Variants in SALL2 observed in about 807,000 individuals in gnomAD.
SALL2 encodes the protein spalt like transcription factor 2.
SALL2 carries 32 observed loss-of-function variants against 58.5 expected under a neutral mutation model. The ratio of observed to expected loss-of-function variants is 0.55; its 90% confidence interval spans 0.41 to 0.74. SALL2 has a LOEUF of 0.74. Among genes scored for constraint, SALL2 ranks in the 30% least tolerant of loss-of-function variants. The probability of loss-of-function intolerance (pLI) is 0.00; values close to 1 mark genes in which losing one functional copy is unlikely to be tolerated. For missense variants in SALL2, 1,201 were observed against 1,268.9 expected, an observed-to-expected ratio of 0.95 and a Z score of 0.81; for synonymous variants, 516 against 513.6, an observed-to-expected ratio of 1.00 and a Z score of -0.06.
Position 21,531,709 on chromosome 14 carries a change from C to CTTTT in SALL2, c.-114+5252_-114+5253insAAAA, listed in dbSNP as rs199554935. Among the ~76,000 whole-genome samples, 56 of 138,648 alleles carry CTTTT rather than the reference C, an allele frequency of 4.0e-4. 1 individual carries two copies. Among genetic ancestry groups the CTTTT allele is most frequent in the African/African-American group, 1.4e-3 (52 of 36,730 alleles). The allele number at this position is 138,648 out of a possible 152,430, so 91.0% of individuals were successfully genotyped here. ...GGCATGAGCCACCGCGCCTGGCCAG[C>CTTTT]CTTTTTTTTTTTTTTGAGACGGAGT... is the stretch of plus-strand genomic sequence containing the variant. On this transcript the variant is annotated intron_variant, in intron 1 of 1. Coordinates refer to the SALL2 transcript ENST00000541965.
chr14:21,529,582 C>A (rs567418801), upstream of SALL2, among the ~76,000 whole-genome samples: 1 of 151,114 alleles, frequency 6.6e-6, no homozygotes, highest in South Asian at 2.1e-4. Context: ...GAGGCTGAGG[C>A]GGGAGGATCA....
At position 21,525,578 on chromosome 14, in the gene SALL2, G is replaced by A. The variant is rs139218957; in HGVS notation, c.144C>T (p.Leu48=). ...CAGTAGAACATGCGTTCTGGTGGGCGAGGAATTCAGTTGGGTCAGTGAATT... is the reference window on the plus strand; with the variant it reads ...CAGTAGAACATGCGTTCTGGTGGGCAAGGAATTCAGTTGGGTCAGTGAATT... ...CAQFTDPTEF[L]AHQNACSTDP... Residue 48 remains leucine (L), a synonymous_variant, in exon 2 of 2, where the codon CTC becomes CTT. Coordinates refer to ENST00000537235, the MANE Select transcript of SALL2 (RefSeq NM_001364564.1). The surrounding 1 kb of genome is among the most constrained non-coding windows in gnomAD (Gnocchi z 4.4). 4.2e-4 allele frequency: 674 copies of A among 1,612,946 alleles called. No homozygotes were observed. Among genetic ancestry groups the A allele is most frequent in the Non-Finnish European group, 5.1e-4 (603 of 1,179,510 alleles).
At position 21,523,781 on chromosome 14, in the gene SALL2, A is replaced by G. The variant is rs1328938948; in HGVS notation, c.1941T>C (p.His647=). The G allele has an allele frequency of 6.2e-7, 1 of 1,614,060 alleles. No homozygotes were observed. The highest frequency in any genetic ancestry group is 1.3e-5 in the African/African-American group (1 of 74,916). The stretch of plus-strand genomic sequence containing the variant: ...GCCTCTCACCTCCATGTTGGCCATA[A>G]TGAAGGCGTAGGGCCCGAGGACAGC... ...VLSCPRALRL[H]YGQHGGERPF... Residue 647 remains histidine, a synonymous_variant, in exon 2 of 2, where the codon CAT becomes CAC. Coordinates refer to ENST00000537235, the MANE Select transcript of SALL2 (RefSeq NM_001364564.1). The surrounding 1 kb of genome is among the most constrained non-coding windows in gnomAD (Gnocchi z 4.4).
At position 21,523,991 on chromosome 14, in the gene SALL2, T is replaced by C; in HGVS notation, c.1731A>G (p.Leu577=). The change falls in exon 2 of 2, where the codon CTA becomes CTG. Residue 577 remains leucine, a synonymous_variant. Coordinates refer to ENST00000537235, the MANE Select transcript of SALL2 (RefSeq NM_001364564.1). This position sits in a 1 kb window ranked among gnomAD's most constrained non-coding sequence, Gnocchi z 4.4. ...CAGAGGGTGAGGCCCCCAAGGGCTC[T>C]AGCACATAGGGGAAGGGGAAGCTGC... ...STGSFPFPYV[L]EPLGASPSET... The C allele has an allele frequency of 6.2e-7, 1 of 1,614,244 alleles. No individual in the cohort carries two copies. Among genetic ancestry groups the C allele is most frequent in the South Asian group, 1.1e-5 (1 of 91,090 alleles).
In SALL2 at chr14:21,523,646, G is replaced by A. The variant is rs774661998; in HGVS notation, c.2076C>T (p.Pro692=). 33 of 1,614,130 alleles carry A rather than the reference G, an allele frequency of 2.0e-5. No homozygotes were observed. In the East Asian group the frequency reaches 6.9e-4, roughly 34 times the overall value. Residue 692 remains proline (P), a synonymous_variant, in exon 2 of 2, where the codon CCC becomes CCT. Transcript: ENST00000537235. The surrounding 1 kb of genome is among the most constrained non-coding windows in gnomAD (Gnocchi z 4.4). ...SPAARAQNSC[P]ICQKKFTNAV... ...CATTGGTGAACTTCTTCTGGCAGAT[G>A]GGGCAGGAATTCTGTGCCCGGGCAG...
In SALL2 at chr14:21,525,781, T is replaced by A. The variant is rs1037844448; in HGVS notation, c.68-127A>T. 2 of 999,014 alleles carry A rather than the reference T, an allele frequency of 2.0e-6. No homozygotes were observed. Among genetic ancestry groups the A allele is most frequent in the African/African-American group, 1.8e-5 (1 of 55,916 alleles). The allele number at this position is 999,014 out of a possible 1,614,324, so 61.9% of individuals were successfully genotyped here. ...GGAGATGAGCTCACCATCAGGGCCA[T>A]GCAGAAGTCTAGAGCTCAGGCCTGA... On this transcript the variant is annotated intron_variant, in intron 1 of 1. Transcript: ENST00000537235. This position sits in a 1 kb window ranked among gnomAD's most constrained non-coding sequence, Gnocchi z 4.4.
At position 21,522,394 on chromosome 14, in the gene SALL2, G is replaced by C. The variant is rs920850946; in HGVS notation, c.*310C>G. 1.8e-5 allele frequency: 26 copies of C among 1,424,714 alleles called. No individual in the cohort carries two copies. Among genetic ancestry groups the C allele is most frequent in the South Asian group, 9.3e-5 (6 of 64,418 alleles). The allele number at this position is 1,424,714 out of a possible 1,614,324, so 88.3% of individuals were successfully genotyped here. On this transcript the variant is annotated 3_prime_UTR_variant, in exon 2 of 2. Transcript: ENST00000537235. ...CTCAGGTGCACCTACCAAAGGGAAAGGGAGAGGAGAGAGGAGGGGGAAGAA... is the reference window on the plus strand; with the variant it reads ...CTCAGGTGCACCTACCAAAGGGAAACGGAGAGGAGAGAGGAGGGGGAAGAA...
chr14:21,533,053 A>G (rs942886462), intron 1 of SALL2, among the ~76,000 whole-genome samples: 10 of 152,162 alleles, frequency 6.6e-5, no homozygotes, highest in Non-Finnish European at 1.2e-4. Context: ...GGCCTAGCAC[A>G]GTACCTGAAT....
At position 21,523,559 on chromosome 14, in the gene SALL2, A is replaced by G; in HGVS notation, c.2163T>C (p.Thr721=). The G allele has an allele frequency of 6.2e-7, 1 of 1,614,208 alleles. No individual in the cohort carries two copies. Among genetic ancestry groups the G allele is most frequent in the South Asian group, 1.1e-5 (1 of 91,086 alleles). Residue 721 remains threonine (T), a synonymous_variant, in exon 2 of 2, where the codon ACT becomes ACC. Transcript: ENST00000537235. The surrounding 1 kb of genome is among the most constrained non-coding windows in gnomAD (Gnocchi z 4.4). ...HLGGQIPNGG[T]ALPEGGGAAQ... Reference sequence around the variant, plus strand: ...CAGCTCCTCCACCTTCAGGGAGTGCAGTACCACCGTTGGGGATCTGGCCCC... The same window carrying G: ...CAGCTCCTCCACCTTCAGGGAGTGCGGTACCACCGTTGGGGATCTGGCCCC...
chr14:21,523,254 A>G lies in SALL2; in HGVS notation c.2468T>C (p.Met823Thr), dbSNP rs756173849. The stretch of plus-strand genomic sequence containing the variant: ...TTGAGTAGTTTTCTCATTACTGTCC[A>G]TCTCCTTCCCAGCTGTGGCTGCTGC... ...VAAAATAGKE[M>T]DSNEKTTQQS... is the part of the protein sequence containing the mutation. Residue 823 changes from methionine (M) to threonine (T), a missense_variant, in exon 2 of 2, where the codon ATG (methionine) becomes ACG (threonine). Met to Thr is a moderately conservative substitution (Grantham distance 81). Around this residue, in one of 3 missense-constraint regions of SALL2, gnomAD observed 675 missense variants for 683.8 expected, o/e 0.99. Coordinates refer to ENST00000537235, the MANE Select transcript of SALL2 (RefSeq NM_001364564.1). The surrounding 1 kb of genome is among the most constrained non-coding windows in gnomAD (Gnocchi z 4.4). The G allele has an allele frequency of 2.5e-6, 4 of 1,613,634 alleles. No homozygotes were observed. The highest frequency in any genetic ancestry group is 2.2e-5 in the South Asian group (2 of 91,084).
In SALL2 at chr14:21,525,492, G is replaced by C; in HGVS notation, c.230C>G (p.Ser77Cys). 2.5e-6 allele frequency: 4 copies of C among 1,614,012 alleles called. No homozygotes were observed. Among genetic ancestry groups the C allele is most frequent in the Non-Finnish European group, 3.4e-6 (4 of 1,179,954 alleles). Residue 77 changes from serine (S) to cysteine (C), a missense_variant, in exon 2 of 2, where the codon TCT becomes TGT. Coordinates refer to ENST00000537235, the MANE Select transcript of SALL2 (RefSeq NM_001364564.1). This position sits in a 1 kb window ranked among gnomAD's most constrained non-coding sequence, Gnocchi z 4.4. ...QENPNNSSAS[S>C]EPRPEGHNNP... ...ATTGTGACCCTCAGGCCGGGGTTCA[G>C]AGGAGGCCGAAGAGTTGTTGGGGTT... is the stretch of plus-strand genomic sequence containing the variant.
chr14:21,522,200 G>A lies in SALL2; in HGVS notation c.*504C>T. 1 of 1,597,382 alleles carries A rather than the reference G, an allele frequency of 6.3e-7. No homozygotes were observed. Among genetic ancestry groups the A allele is most frequent in the Admixed American group, 1.7e-5 (1 of 59,842 alleles). The stretch of plus-strand genomic sequence containing the variant: ...TAGTGGAGGTGGAGCTGGAATTCCA[G>A]GGCTTCATGGGCAGGCCATTTGACA... On this transcript the variant is annotated 3_prime_UTR_variant, in exon 2 of 2. Coordinates refer to ENST00000537235, the MANE Select transcript of SALL2 (RefSeq NM_001364564.1).
At position 21,524,271 on chromosome 14, in the gene SALL2, G is replaced by C. The variant is rs1460226773; in HGVS notation, c.1451C>G (p.Ala484Gly). ...GGAGAGCAGAGTCAGGCTCTCTGTG[G>C]CACTGAGTGCTGTTGTGGAGGCCAC... is the stretch of plus-strand genomic sequence containing the variant. The part of the protein sequence containing the change: ...PLVASTTALS[A>G]TESLTLLSTS... The change falls in exon 2 of 2, where the codon GCC (alanine) becomes GGC (glycine). Residue 484 changes from alanine (A) to glycine (G), a missense_variant. Around this residue, in one of 3 missense-constraint regions of SALL2, gnomAD observed 675 missense variants for 683.8 expected, o/e 0.99. Transcript: ENST00000537235. The C allele has an allele frequency of 1.2e-6, 2 of 1,613,912 alleles. No homozygotes were observed. Among genetic ancestry groups the C allele is most frequent in the Non-Finnish European group, 1.7e-6 (2 of 1,179,964 alleles).
Position 21,522,693 on chromosome 14 carries a change from GA to G in SALL2, c.*10del. 1 of 1,515,100 alleles carries G rather than the reference GA, an allele frequency of 6.6e-7. No homozygotes were observed. The allele number at this position is 1,515,100 out of a possible 1,614,324, so 93.9% of individuals were successfully genotyped here. On this transcript the variant is annotated 3_prime_UTR_variant, in exon 2 of 2. Transcript: ENST00000537235. ...TGTGGGACAAAGAGCAGCAGGTACAGAAAAACAGGCTCATGGGATCGTGGGG... is the reference window on the plus strand; with the variant it reads ...TGTGGGACAAAGAGCAGCAGGTACAGAAAACAGGCTCATGGGATCGTGGGG...
In SALL2 at chr14:21,522,718, GGTC is replaced by G; in HGVS notation, c.3001_3003del (p.Asp1001del). On this transcript the variant is annotated inframe_deletion, in exon 2 of 2. Coordinates refer to ENST00000537235, the MANE Select transcript of SALL2 (RefSeq NM_001364564.1). ...GAAAAACAGGCTCATGGGATCGTGGGGTCATCTTTTCGGGGAAAGGGGGAGAGC... is the reference window on the plus strand; with the variant it reads ...GAAAAACAGGCTCATGGGATCGTGGGATCTTTTCGGGGAAAGGGGGAGAGC... The G allele has an allele frequency of 6.6e-7, 1 of 1,526,256 alleles. No individual in the cohort carries two copies. The highest frequency in any genetic ancestry group is 8.8e-7 in the Non-Finnish European group (1 of 1,138,928). The allele number at this position is 1,526,256 out of a possible 1,614,324, so 94.5% of individuals were successfully genotyped here.
intron 1 of SALL2, among the ~76,000 whole-genome samples, chr14:21,535,218 GC>G (rs1455957600): frequency 6.6e-6 from 1 of 151,860 alleles, no homozygotes; most frequent in Non-Finnish European, 1.5e-5. Flanking sequence ...GGTGGCAGGC[GC>G]CTATAGTTCC....
rs1352044956 is a variant in SALL2 at position 21,526,177 on chromosome 14, G to T, written c.-50C>A. On this transcript the variant is annotated 5_prime_UTR_variant, in exon 1 of 2. Coordinates refer to ENST00000537235, the MANE Select transcript of SALL2 (RefSeq NM_001364564.1). ...GGTGGGGTGGGAGACAATGGATATTGGGATTGAGGGAGGCGATGGCCGCTG... is the reference window on the plus strand; with the variant it reads ...GGTGGGGTGGGAGACAATGGATATTTGGATTGAGGGAGGCGATGGCCGCTG... 1 of 1,533,388 alleles carries T rather than the reference G, an allele frequency of 6.5e-7. No individual in the cohort carries two copies. The highest frequency in any genetic ancestry group is 1.2e-5 in the South Asian group (1 of 83,964). The allele number at this position is 1,533,388 out of a possible 1,614,324, so 95.0% of individuals were successfully genotyped here. A position where few individuals can be genotyped will look rare whatever the true frequency, so the allele number is the denominator to read the frequency against.
upstream of SALL2, among the ~76,000 whole-genome samples, chr14:21,530,567 C>T (rs904977270): frequency 4.6e-5 from 7 of 152,088 alleles, no homozygotes; most frequent in Non-Finnish European, 7.3e-5. Flanking sequence ...GGATTACAGG[C>T]GTGAGCCATC....
chr14:21,533,064 G>T (rs962855525), intron 1 of SALL2, among the ~76,000 whole-genome samples: 3 of 152,152 alleles, frequency 2.0e-5, no homozygotes, highest in African/African-American at 7.2e-5. Flanking sequence ...GTACCTGAAT[G>T]CTCCACAAAT....
Sources: allele counts gnomAD v4.1 joint callset (sites outside exome capture counted in the v4.1 genomes callset), GRCh38; gene constraint gnomAD v4.1.1; regional missense constraint gnomAD v4.1.1; non-coding constraint Gnocchi (gnomAD v3.1); transcripts MANE v1.5; gene names NCBI Gene and HGNC (gene_info 2026-07-23, HGNC 2026-07-21).